The following SGCZ variants were observed in gnomAD, a reference collection of about 807,000 sequenced individuals.
The protein encoded by SGCZ is zeta-sarcoglycan.
SGCZ carries 40 observed loss-of-function variants against 41.3 expected under a neutral mutation model. The observed-to-expected ratio is 0.97, with a 90% CI of 0.75 to 1.26. The LOEUF (loss-of-function observed/expected upper bound fraction) is 1.26. Ranked by LOEUF, SGCZ falls within the 50% of genes most tolerant of loss-of-function variation. The pLI, the probability that SGCZ is intolerant of heterozygous loss-of-function variation, is 0.00. For missense variants in SGCZ, 552 were observed against 369.8 expected, an observed-to-expected ratio of 1.49 and a Z score of -4.04; for synonymous variants, 206 against 137.5, an observed-to-expected ratio of 1.50 and a Z score of -3.49.
intron 2 of SGCZ, among the ~76,000 whole-genome samples, chr8:14,476,238 C>T (rs1423215725): frequency 6.6e-6 from 1 of 152,098 alleles, no homozygotes; most frequent in African/African-American, 2.4e-5. Flanking sequence ...AAGAGGTCCC[C>T]TCTCACCAAT....
At chr8:14,772,698 A>G (rs1201836883) in intron 1 of SGCZ, among the ~76,000 whole-genome samples, 2 of 150,484 alleles carry the variant, frequency 1.3e-5, no homozygotes. Flanking sequence ...TTGTTCTTGC[A>G]ATGTTTACTG....
chr8:14,970,847 A>G (rs1801269569), intron 1 of SGCZ, among the ~76,000 whole-genome samples: 1 of 152,146 alleles, frequency 6.6e-6, no homozygotes, highest in African/African-American at 2.4e-5. Flanking sequence ...CAGTTAATAT[A>G]TTGATTGGCA....
intron 1 of SGCZ, among the ~76,000 whole-genome samples, chr8:14,909,821 A>G (rs950765395): frequency 1.3e-5 from 2 of 152,044 alleles, no homozygotes; most frequent in African/African-American, 4.8e-5. Context: ...GTGTCCCTCA[A>G]TTCTGTCATC....
At chr8:14,466,071 C>T (rs1016235486) in intron 2 of SGCZ, among the ~76,000 whole-genome samples, 5 of 151,974 alleles carry the variant, frequency 3.3e-5, no homozygotes, top group East Asian at 1.9e-4. Context: ...TCTCTTCATA[C>T]GGCTTTAAGT....
At chr8:14,612,179 C>T (rs1025655787) in intron 1 of SGCZ, among the ~76,000 whole-genome samples, 5 of 151,928 alleles carry the variant, frequency 3.3e-5, no homozygotes, top group African/African-American at 1.2e-4. Context: ...CTCTGTGTCC[C>T]CACCCAAATC....
intron 1 of SGCZ, among the ~76,000 whole-genome samples, chr8:14,597,737 A>G (rs1805459920): frequency 6.6e-6 from 1 of 152,140 alleles, no homozygotes; most frequent in South Asian, 2.1e-4. Flanking sequence ...TTGGCCTCCC[A>G]AAGTGCTGGG....
At chr8:14,565,216 A>G (rs1192919396) in intron 1 of SGCZ, among the ~76,000 whole-genome samples, 1 of 152,174 alleles carries the variant, frequency 6.6e-6, no homozygotes, top group Middle Eastern at 3.2e-3. Context: ...TTTTTCAGTC[A>G]TTCTTAGTTT....
chr8:14,188,143 G>A (rs1447882380), intron 4 of SGCZ, among the ~76,000 whole-genome samples: 1 of 152,178 alleles, frequency 6.6e-6, no homozygotes, highest in East Asian at 1.9e-4. Context: ...TAAAGATTGA[G>A]CAAATGTGTT....
intron 1 of SGCZ, among the ~76,000 whole-genome samples, chr8:14,576,472 G>C (rs1804716088): frequency 6.6e-6 from 1 of 152,146 alleles, no homozygotes; most frequent in South Asian, 2.1e-4. Context: ...TCATGGAGAA[G>C]TTAGCTAAGT....
intron 3 of SGCZ, among the ~76,000 whole-genome samples, chr8:14,267,694 T>C (rs551215937): frequency 1.1e-4 from 16 of 152,228 alleles, no homozygotes; most frequent in African/African-American, 3.6e-4. Flanking sequence ...ATGATACATT[T>C]GTAAAATCTC....
chr8:14,178,368 CA>C (rs1804618147), intron 4 of SGCZ, among the ~76,000 whole-genome samples: 1 of 152,150 alleles, frequency 6.6e-6, no homozygotes, highest in East Asian at 1.9e-4. Flanking sequence ...ACTGCTATAG[CA>C]ACTGCCTTAC....
chr8:14,893,930 G>A (rs1271113485), intron 1 of SGCZ, among the ~76,000 whole-genome samples: 1 of 152,138 alleles, frequency 6.6e-6, no homozygotes, highest in Non-Finnish European at 1.5e-5. Context: ...TAGAGCATAT[G>A]ACAGTTTCCT....
At chr8:14,294,315 T>C (rs114754773) in intron 3 of SGCZ, among the ~76,000 whole-genome samples, 3 of 152,052 alleles carry the variant, frequency 2.0e-5, no homozygotes, top group African/African-American at 7.2e-5. Context: ...ACAACATTAC[T>C]AAAACTCCTA....
At position 14,101,791 on chromosome 8, in the gene SGCZ, G is replaced by A. The variant is rs1486500267; in HGVS notation, c.744+585C>T. Among the ~76,000 whole-genome samples the A allele has an allele frequency of 3.3e-5, 5 of 151,196 alleles. No homozygotes were observed. In the East Asian group the frequency reaches 9.7e-4, roughly 29 times the overall value. On this transcript the variant is annotated intron_variant, in intron 7 of 7. Coordinates refer to ENST00000382080, the MANE Select transcript of SGCZ (RefSeq NM_139167.4). ...TAACAAGAATTAAAAAAAAAAAAAGGACTGTCGTTATTCTTCTCAAATTAT... is the reference window on the plus strand; with the variant it reads ...TAACAAGAATTAAAAAAAAAAAAAGAACTGTCGTTATTCTTCTCAAATTAT...
chr8:14,533,406 G>T (rs1156499524), intron 2 of SGCZ, among the ~76,000 whole-genome samples: 1 of 151,806 alleles, frequency 6.6e-6, no homozygotes, highest in African/African-American at 2.4e-5. Context: ...TTTAATTTTT[G>T]AAGAGTTTAT....
intron 1 of SGCZ, among the ~76,000 whole-genome samples, chr8:14,601,611 G>C (rs1371717311): frequency 6.6e-6 from 1 of 152,086 alleles, no homozygotes; most frequent in Non-Finnish European, 1.5e-5. Flanking sequence ...GTTGGTATTT[G>C]ATTGTTTACA....
At chr8:14,326,867 T>C (rs1802137535) in intron 2 of SGCZ, among the ~76,000 whole-genome samples, 1 of 152,126 alleles carries the variant, frequency 6.6e-6, no homozygotes, top group African/African-American at 2.4e-5. Flanking sequence ...CTAATAAGTG[T>C]GGTTTTGCAG....
intron 1 of SGCZ, among the ~76,000 whole-genome samples, chr8:14,669,627 T>C (rs1414813687): frequency 6.6e-6 from 1 of 151,806 alleles, no homozygotes; most frequent in African/African-American, 2.4e-5. Flanking sequence ...TCCAGGTCCA[T>C]ACATGTTATC....
At chr8:14,793,128 T>G (rs1319901911) in intron 1 of SGCZ, among the ~76,000 whole-genome samples, 1 of 152,218 alleles carries the variant, frequency 6.6e-6, no homozygotes, top group Non-Finnish European at 1.5e-5. Context: ...GTCAGATATT[T>G]AAAACTCTAG....
Sources: gnomAD v4.1 joint callset for allele counts (sites outside exome capture counted in the v4.1 genomes callset) on GRCh38, gnomAD v4.1.1 for gene constraint, MANE v1.5 for transcripts, NCBI Gene and HGNC (gene_info 2026-07-23, HGNC 2026-07-21) for gene names.